Variants in AJAP1 observed in about 807,000 individuals in gnomAD.
AJAP1 encodes adherens junction-associated protein 1.
AJAP1 carries 5 observed loss-of-function variants against 35.0 expected under a neutral mutation model. That is an observed-to-expected ratio of 0.14 (90% CI 0.07 to 0.30). The LOEUF (loss-of-function observed/expected upper bound fraction) is 0.30. AJAP1 is among the 10% of genes least tolerant of loss of function. The pLI, the probability that AJAP1 is intolerant of heterozygous loss-of-function variation, is 1.00. For missense variants in AJAP1, 586 were observed against 571.0 expected, an observed-to-expected ratio of 1.03 and a Z score of -0.27; for synonymous variants, 284 against 249.3, an observed-to-expected ratio of 1.14 and a Z score of -1.31.
intron 1 of AJAP1, among the ~76,000 whole-genome samples, chr1:4,695,957 T>G: frequency 6.6e-6 from 1 of 152,050 alleles, no homozygotes; most frequent in African/African-American, 2.4e-5. Context: ...TCTCTCGTAC[T>G]GGGGGGTTCA....
At chr1:4,733,263 C>T (rs1040803435) in intron 2 of AJAP1, among the ~76,000 whole-genome samples, 1 of 151,828 alleles carries the variant, frequency 6.6e-6, no homozygotes, top group Non-Finnish European at 1.5e-5. Context: ...ATACCCAAGA[C>T]GTCAGTGTCA....
At chr1:4,708,451 A>G (rs1640150461) in intron 1 of AJAP1, among the ~76,000 whole-genome samples, 1 of 152,140 alleles carries the variant, frequency 6.6e-6, no homozygotes, top group South Asian at 2.1e-4. Flanking sequence ...AGTGCCATGG[A>G]TGCCCTATGG....
chr1:4,686,248 C>T (rs189137532), intron 1 of AJAP1, among the ~76,000 whole-genome samples: 10 of 152,318 alleles, frequency 6.6e-5, no homozygotes, highest in Non-Finnish European at 1.0e-4. Flanking sequence ...CAAATTACCA[C>T]GAATTGAGTG....
At chr1:4,745,483 C>T (rs890921962) in intron 2 of AJAP1, among the ~76,000 whole-genome samples, 9 of 152,170 alleles carry the variant, frequency 5.9e-5, no homozygotes, top group African/African-American at 9.7e-5. Context: ...GATAAAGCTC[C>T]GCTCCACAGA....
intron 1 of AJAP1, among the ~76,000 whole-genome samples, chr1:4,669,373 TCA>T (rs371477253): frequency 2.1e-3 from 313 of 152,318 alleles, no homozygotes; most frequent in African/African-American, 6.9e-3. Context: ...TTTAATTGAC[TCA>T]CAGTTCCGCA....
chr1:4,775,633 G>T (rs950219448), intron 5 of AJAP1, among the ~76,000 whole-genome samples: 11 of 152,156 alleles, frequency 7.2e-5, no homozygotes, highest in African/African-American at 2.7e-4. Flanking sequence ...TCCTCATCCT[G>T]GCACTAATGA....
At chr1:4,679,607 C>T (rs1639432020) in intron 1 of AJAP1, among the ~76,000 whole-genome samples, 1 of 152,166 alleles carries the variant, frequency 6.6e-6, no homozygotes, top group Admixed American at 6.5e-5. Flanking sequence ...CCTCTGAAAT[C>T]TGTAGGGTAG....
Position 4,780,709 on chromosome 1 carries a change from GC to G in AJAP1, c.*60-1835del, listed in dbSNP as rs566766864. 7.6e-5 allele frequency among the ~76,000 whole-genome samples: 11 copies of G among 144,254 alleles called. No individual in the cohort carries two copies. In the East Asian group the frequency reaches 2.2e-3, roughly 29 times the overall value. 94.6% of individuals were successfully genotyped at this position (144,254 alleles called of 152,430 possible). A position where few individuals can be genotyped will look rare whatever the true frequency, so the allele number is the denominator to read the frequency against. On this transcript the variant is annotated intron_variant, in intron 5 of 5. Coordinates refer to ENST00000378191, the MANE Select transcript of AJAP1 (RefSeq NM_018836.4). ...TGTAGTGGTGCCATCTCGGCTCACT[GC>G]AACCTCTGCCTCCCGGGTTCAAGTA...
At chr1:4,716,187 T>C (rs1360608506) in intron 2 of AJAP1, among the ~76,000 whole-genome samples, 1 of 152,218 alleles carries the variant, frequency 6.6e-6, no homozygotes, top group Non-Finnish European at 1.5e-5. Context: ...TTGGGATAAC[T>C]GCTGGAATGA....
chr1:4,748,861 G>T (rs1641257437), intron 2 of AJAP1, among the ~76,000 whole-genome samples: 1 of 152,002 alleles, frequency 6.6e-6, no homozygotes, highest in Non-Finnish European at 1.5e-5. Flanking sequence ...GCAGCAAAAG[G>T]CACCATCTTA....
intron 2 of AJAP1, among the ~76,000 whole-genome samples, chr1:4,756,023 C>A (rs1641422863): frequency 6.6e-6 from 1 of 152,080 alleles, no homozygotes; most frequent in Non-Finnish European, 1.5e-5. Context: ...TAGCAGGGTT[C>A]TTTGCTAAGC....
intron 1 of AJAP1, among the ~76,000 whole-genome samples, chr1:4,665,382 G>A (rs1056416653): frequency 1.3e-5 from 2 of 152,008 alleles, no homozygotes; most frequent in Admixed American, 6.6e-5. Context: ...ATTAAGCCCC[G>A]GTACTGGGCT....
chr1:4,755,191 G>C (rs964844248), intron 2 of AJAP1, among the ~76,000 whole-genome samples: 3 of 152,184 alleles, frequency 2.0e-5, no homozygotes, highest in Non-Finnish European at 1.5e-5. Context: ...CTATTTATCT[G>C]TTTATTGTTT....
chr1:4,706,391 C>T (rs1186786226), intron 1 of AJAP1, among the ~76,000 whole-genome samples: 6 of 152,216 alleles, frequency 3.9e-5, no homozygotes, highest in Admixed American at 3.9e-4. Flanking sequence ...AAAACTGGGG[C>T]TTGCAGAGTG....
At position 4,785,364 on chromosome 1, in the gene AJAP1, A is replaced by C. The variant is rs1642144180; in HGVS notation, c.*2879A>C. ...GACATCCGTCAAGGTAAATCCACACAAAGGCTGCTATTTCTGGATGATTGA... is the reference window on the plus strand; with the variant it reads ...GACATCCGTCAAGGTAAATCCACACCAAGGCTGCTATTTCTGGATGATTGA... On this transcript the variant is annotated 3_prime_UTR_variant, in exon 6 of 6. Transcript: ENST00000378191. The C allele has an allele frequency of 6.6e-6, 1 of 152,302 alleles. No homozygotes were observed. 9.4% of individuals were successfully genotyped at this position (152,302 alleles called of 1,614,324 possible).
chr1:4,664,695 A>G (rs1208584140), intron 1 of AJAP1, among the ~76,000 whole-genome samples: 1 of 152,042 alleles, frequency 6.6e-6, no homozygotes, highest in Admixed American at 6.6e-5. Flanking sequence ...CCTGGCTCTC[A>G]TTTGCTTCTA....
chr1:4,758,086 G>C (rs529799382), intron 2 of AJAP1, among the ~76,000 whole-genome samples: 66 of 152,150 alleles, frequency 4.3e-4, no homozygotes, highest in Non-Finnish European at 7.9e-4. Context: ...ATGTGAAGAA[G>C]GACATGTTTG....
chr1:4,677,417 T>G (rs1481470632), intron 1 of AJAP1, among the ~76,000 whole-genome samples: 1 of 152,070 alleles, frequency 6.6e-6, no homozygotes, highest in Non-Finnish European at 1.5e-5. Context: ...GCTGCCCGGC[T>G]AATTAATTGC....
chr1:4,716,288 C>G (rs1376711378), intron 2 of AJAP1, among the ~76,000 whole-genome samples: 2 of 152,220 alleles, frequency 1.3e-5, no homozygotes, highest in Non-Finnish European at 2.9e-5. Flanking sequence ...GTCCCACTGC[C>G]TGTCTTCAAA....
Sources: allele counts gnomAD v4.1 joint callset (sites outside exome capture counted in the v4.1 genomes callset), GRCh38; gene constraint gnomAD v4.1.1; transcripts MANE v1.5; gene names NCBI Gene and HGNC (gene_info 2026-07-23, HGNC 2026-07-21).